The following MRPS27 variants were observed in gnomAD, a reference collection of about 807,000 sequenced individuals.
The protein encoded by MRPS27 is small ribosomal subunit protein mS27.
MRPS27 carries 43 observed loss-of-function variants against 48.9 expected under a neutral mutation model. The observed-to-expected ratio is 0.88, with a 90% CI of 0.69 to 1.13. The LOEUF (loss-of-function observed/expected upper bound fraction) is 1.13. Among genes scored for constraint, MRPS27 ranks in the 50% most tolerant of loss-of-function variants. MRPS27 has a pLI of 0.00. For synonymous variants in MRPS27, 188 were observed against 171.9 expected (o/e 1.09, Z -0.73); for missense variants, 467 against 476.3 (o/e 0.98, Z 0.18).
chr5:72,302,979 C>T (rs933522172), intron 2 of MRPS27, among the ~76,000 whole-genome samples: 1 of 152,206 alleles, frequency 6.6e-6, no homozygotes, highest in Non-Finnish European at 1.5e-5. Flanking sequence ...ATTTAATCCA[C>T]TCTTCTTTTG....
At chr5:72,245,397 G>A (rs2111973846) in intron 4 of MRPS27, among the ~76,000 whole-genome samples, 1 of 152,282 alleles carries the variant, frequency 6.6e-6, no homozygotes, top group East Asian at 1.9e-4. Flanking sequence ...GGAAATTTAT[G>A]AGCAATAAAT....
intron 1 of MRPS27, among the ~76,000 whole-genome samples, chr5:72,317,103 C>T (rs1750585556): frequency 6.6e-6 from 1 of 151,108 alleles, no homozygotes; most frequent in African/African-American, 2.4e-5. Flanking sequence ...AAGCCCAACA[C>T]AACTAGATAG....
chr5:72,306,694 T>C (rs944303508), intron 2 of MRPS27, among the ~76,000 whole-genome samples: 3 of 152,264 alleles, frequency 2.0e-5, no homozygotes, highest in African/African-American at 7.2e-5. Flanking sequence ...TGAACATTAA[T>C]GGAATATTTA....
chr5:72,232,512 T>C lies in MRPS27; in HGVS notation c.522A>G (p.Glu174=). 1 of 1,612,798 alleles carries C rather than the reference T, an allele frequency of 6.2e-7. No individual in the cohort carries two copies. Among genetic ancestry groups the C allele is most frequent in the Non-Finnish European group, 8.5e-7 (1 of 1,179,180 alleles). The part of the protein sequence containing the change: ...VFEVMMQEAF[E]VPSTQLLSLY... ...GGGAGAGAAGTTGGGTGGAAGGCACTTCAAAGGCTTCTTGCATCATGACCT... is the reference window on the plus strand; with the variant it reads ...GGGAGAGAAGTTGGGTGGAAGGCACCTCAAAGGCTTCTTGCATCATGACCT... Residue 174 remains glutamate, a synonymous_variant, in exon 7 of 11, where the codon GAA becomes GAG. Coordinates refer to ENST00000261413, the MANE Select transcript of MRPS27 (RefSeq NM_015084.3).
chr5:72,242,428 GAAAA>G (rs750987632), intron 4 of MRPS27, among the ~76,000 whole-genome samples: 2 of 120,776 alleles, frequency 1.7e-5, no homozygotes, highest in Non-Finnish European at 3.4e-5. Context: ...GATCAAGAGT[GAAAA>G]AAAAAAAAAA....
At chr5:72,272,086 C>A (rs540155546) in intron 4 of MRPS27, among the ~76,000 whole-genome samples, 2 of 152,188 alleles carry the variant, frequency 1.3e-5, no homozygotes, top group Non-Finnish European at 2.9e-5. Flanking sequence ...GATTCCCCCC[C>A]CATCTCCTGC....
At chr5:72,280,399 TA>T (rs1268318013) in intron 4 of MRPS27, among the ~76,000 whole-genome samples, 1 of 152,152 alleles carries the variant, frequency 6.6e-6, no homozygotes, top group Non-Finnish European at 1.5e-5. Context: ...ATTTTTCCTT[TA>T]TAAGTATTTT....
intron 6 of MRPS27, among the ~76,000 whole-genome samples, chr5:72,233,003 G>C (rs1422997230): frequency 1.3e-5 from 2 of 152,118 alleles, no homozygotes; most frequent in East Asian, 3.9e-4. Context: ...TATTCTCAAG[G>C]TCACCCTGAC....
At chr5:72,290,391 T>C (rs2112050703) in intron 4 of MRPS27, among the ~76,000 whole-genome samples, 1 of 152,326 alleles carries the variant, frequency 6.6e-6, no homozygotes, top group South Asian at 2.1e-4. Context: ...TCTCTGGAAT[T>C]TCTTCTGCCT....
chr5:72,292,899 T>A (rs1308258640), intron 4 of MRPS27, among the ~76,000 whole-genome samples: 1 of 152,110 alleles, frequency 6.6e-6, no homozygotes, highest in African/African-American at 2.4e-5. Flanking sequence ...TGTATAAAAT[T>A]AAGAAGTTCC....
At chr5:72,225,360 C>A (rs375137625) in intron 9 of MRPS27, among the ~76,000 whole-genome samples, 2 of 152,162 alleles carry the variant, frequency 1.3e-5, no homozygotes, top group Non-Finnish European at 2.9e-5. Flanking sequence ...GGTAACAAGA[C>A]AACCAATGTC....
intron 4 of MRPS27, among the ~76,000 whole-genome samples, chr5:72,248,810 G>C (rs184351307): frequency 4.0e-5 from 6 of 151,108 alleles, no homozygotes; most frequent in African/African-American, 1.5e-4. Flanking sequence ...GTGATCCACA[G>C]ACACAGGGAG....
intron 4 of MRPS27, among the ~76,000 whole-genome samples, chr5:72,255,505 C>T (rs1748777329): frequency 6.6e-6 from 1 of 152,146 alleles, no homozygotes. Context: ...TTGTTCAATG[C>T]CCATGCCTCA....
chr5:72,242,928 C>T (rs1580064571), intron 4 of MRPS27, among the ~76,000 whole-genome samples: 1 of 152,322 alleles, frequency 6.6e-6, no homozygotes, highest in East Asian at 1.9e-4. Flanking sequence ...CACAGCTCCA[C>T]CATTTAGCTG....
intron 4 of MRPS27, among the ~76,000 whole-genome samples, chr5:72,248,841 G>C (rs981744058): frequency 2.0e-5 from 3 of 152,192 alleles, no homozygotes; most frequent in African/African-American, 7.2e-5. Context: ...ATCCTAAAAA[G>C]GGCTCGGCCC....
At chr5:72,267,374 T>C (rs1749130377) in intron 4 of MRPS27, among the ~76,000 whole-genome samples, 2 of 152,230 alleles carry the variant, frequency 1.3e-5, no homozygotes, top group Non-Finnish European at 1.5e-5. Flanking sequence ...TAAATGGTAT[T>C]AATTTGCTTA....
intron 10 of MRPS27, among the ~76,000 whole-genome samples, chr5:72,221,711 C>T (rs1446208271): frequency 6.6e-6 from 1 of 152,242 alleles, no homozygotes. Context: ...GCATTCCTCT[C>T]AACAGACGGA....
intron 1 of MRPS27, among the ~76,000 whole-genome samples, chr5:72,318,673 A>C (rs528576630): frequency 6.6e-6 from 1 of 152,312 alleles, no homozygotes; most frequent in South Asian, 2.1e-4. Context: ...GCATGCCTGT[A>C]ATCTCAGCTA....
intron 4 of MRPS27, among the ~76,000 whole-genome samples, chr5:72,291,551 T>C (rs1195001651): frequency 6.6e-6 from 1 of 152,232 alleles, no homozygotes; most frequent in Non-Finnish European, 1.5e-5. Flanking sequence ...ACAAATGTAA[T>C]GTGATATGAA....
Sources: allele counts gnomAD v4.1 joint callset (sites outside exome capture counted in the v4.1 genomes callset), GRCh38; gene constraint gnomAD v4.1.1; transcripts MANE v1.5; gene names NCBI Gene and HGNC (gene_info 2026-07-23, HGNC 2026-07-21).